Variants in SRP68 observed in about 807,000 individuals in gnomAD.
SRP68 encodes the protein signal recognition particle subunit SRP68.
A neutral mutation model predicts 82.2 loss-of-function variants in SRP68; 15 were observed. The observed-to-expected ratio is 0.18, with a 90% confidence interval of 0.12 to 0.28. The LOEUF (loss-of-function observed/expected upper bound fraction) is 0.28, where lower values mean the gene tolerates loss of function less well. SRP68 is among the 10% of genes least tolerant of loss of function. SRP68 has a pLI of 1.00. For synonymous variants in SRP68, 261 were observed against 292.6 expected, an observed-to-expected ratio of 0.89 and a Z score of 1.10; for missense variants, 595 against 780.5, an observed-to-expected ratio of 0.76 and a Z score of 2.83.
chr17:76,063,900 T>C (rs1598269226), intron 4 of SRP68, 76 bp downstream of exon 4: 1 of 1,358,012 alleles, frequency 7.4e-7, no homozygotes, highest in Non-Finnish European at 1.0e-6. Flanking sequence ...ACTAAGAAAC[T>C]CTGTTCTGTT....
intron 12 of SRP68, 53 bp downstream of exon 12, chr17:76,045,239 T>C (rs369745455): frequency 1.1e-5 from 16 of 1,419,368 alleles, no homozygotes; most frequent in Non-Finnish European, 1.5e-5. Flanking sequence ...ATGCTCCCAA[T>C]GCTTATAGAA....
intron 13 of SRP68, among the ~76,000 whole-genome samples, chr17:76,041,884 TTTGC>T (rs1204746518): frequency 6.6e-6 from 1 of 151,814 alleles, no homozygotes; most frequent in African/African-American, 2.4e-5. Flanking sequence ...GACAGGAACC[TTTGC>T]TTGCTTTTTT....
chr17:76,041,749 C>T (rs1371034174), intron 13 of SRP68: 1 of 152,160 alleles, frequency 6.6e-6, no homozygotes, highest in East Asian at 1.9e-4. Flanking sequence ...AGGTGGGCTC[C>T]TGCATGCCAG....
intron 13 of SRP68, among the ~76,000 whole-genome samples, chr17:76,042,044 C>T (rs932846929): frequency 6.6e-6 from 1 of 152,030 alleles, no homozygotes; most frequent in East Asian, 2.0e-4. Context: ...CCACCATGCC[C>T]GGCTAATTTT....
At chr17:76,046,254 C>T in intron 10 of SRP68, 60 bp from the exon 11 acceptor site, 1 of 1,583,106 alleles carries the variant, frequency 6.3e-7, no homozygotes, top group Non-Finnish European at 8.6e-7. Flanking sequence ...ACTGGGAGGA[C>T]TGGACTACAA....
intron 4 of SRP68, 192 bp from the exon 5 acceptor site, chr17:76,061,766 C>A: frequency 4.7e-6 from 2 of 427,304 alleles, no homozygotes; most frequent in Non-Finnish European, 8.6e-6. Flanking sequence ...TGAAGACAAG[C>A]CAGGGCAATA....
intron 4 of SRP68, 41 bp from the exon 5 acceptor site, chr17:76,061,615 A>C: frequency 6.6e-7 from 1 of 1,517,994 alleles, no homozygotes. Flanking sequence ...TCAACAGCAA[A>C]CCAGTGCTCC....
chr17:76,070,222 C>CAAAAAAAAAA (rs386386662), intron 2 of SRP68, among the ~76,000 whole-genome samples, 156 bp downstream of exon 2: 7 of 95,398 alleles, frequency 7.3e-5, no homozygotes, highest in Middle Eastern at 5.7e-3. Flanking sequence ...GACTCCATCT[C>CAAAAAAAAAA]AAAAAAAAAA....
At chr17:76,043,677 AGCTCCTGG>A in intron 13 of SRP68, 144 bp downstream of exon 13, 1 of 659,146 alleles carries the variant, frequency 1.5e-6, no homozygotes, top group Non-Finnish European at 2.3e-6. Flanking sequence ...CACAGCCTGC[AGCTCCTGG>A]GCAGTCAGGG....
chr17:76,068,455 GAAA>G (rs113014100), intron 2 of SRP68, among the ~76,000 whole-genome samples: 13 of 115,854 alleles, frequency 1.1e-4, no homozygotes, highest in Non-Finnish European at 2.2e-4. Context: ...GACTGTGTCT[GAAA>G]AAAAAAAAAA....
intron 2 of SRP68, among the ~76,000 whole-genome samples, chr17:76,068,341 T>C (rs1243035743): frequency 1.3e-5 from 2 of 149,750 alleles, no homozygotes; most frequent in Admixed American, 6.7e-5. Context: ...CCTATAATTC[T>C]AGCTACTCGG....
chr17:76,052,770 C>T (rs2066683513), intron 8 of SRP68, among the ~76,000 whole-genome samples: 1 of 149,096 alleles, frequency 6.7e-6, no homozygotes, highest in Non-Finnish European at 1.5e-5. Flanking sequence ...CGCCACTGCA[C>T]TCCAGCCTGG....
In SRP68 at chr17:76,070,359, T is replaced by A. The variant is rs781175645; in HGVS notation, c.251+19A>T. ...CAAGTCCCACAATGATTTCCAAACA[T>A]CTTGTATGTGATACTAACCTGTACC... On this transcript the variant is annotated intron_variant, in intron 2 of 15. Transcript: ENST00000307877. 4 of 1,606,148 alleles carry A rather than the reference T, an allele frequency of 2.5e-6. No homozygotes were observed. In the Admixed American group the frequency reaches 6.7e-5, roughly 27 times the overall value.
At chr17:76,068,899 G>A (rs2066827132) in intron 2 of SRP68, among the ~76,000 whole-genome samples, 1 of 151,894 alleles carries the variant, frequency 6.6e-6, no homozygotes, top group African/African-American at 2.4e-5. Flanking sequence ...CACCATTCCA[G>A]CTAGGATTTC....
At chr17:76,070,308 T>C in intron 2 of SRP68, 70 bp downstream of exon 2, 1 of 1,222,800 alleles carries the variant, frequency 8.2e-7, no homozygotes, top group Non-Finnish European at 1.2e-6. Flanking sequence ...TATAGCAGAG[T>C]AAACAGGATA....
Position 76,062,724 on chromosome 17 carries a change from T to TATATAATATATACATTA in SRP68, c.562-1151_562-1150insTAATGTATATATTATAT, listed in dbSNP as rs1567935164. Among the ~76,000 whole-genome samples the TATATAATATATACATTA allele has an allele frequency of 2.3e-3, 62 of 27,432 alleles. 21 individuals are homozygous for TATATAATATATACATTA. The highest frequency in any genetic ancestry group is 9.0e-3 in the Admixed American group (10 of 1,116). 18.0% of individuals were successfully genotyped at this position (27,432 alleles called of 152,430 possible). On this transcript the variant is annotated intron_variant, in intron 4 of 15. Coordinates refer to ENST00000307877, the MANE Select transcript of SRP68 (RefSeq NM_014230.4). ...TTGTATATTATACAATATATTATAT[T>TATATAATATATACATTA]TATTTTATATATATATATATATATA...
intron 3 of SRP68, among the ~76,000 whole-genome samples, chr17:76,064,484 G>C (rs935226940): frequency 1.3e-5 from 2 of 152,166 alleles, no homozygotes; most frequent in South Asian, 2.1e-4. Flanking sequence ...CTAGGCACAC[G>C]ATCTGGCCTC....
chr17:76,046,977 T>C (rs980294466), intron 10 of SRP68, among the ~76,000 whole-genome samples: 1 of 151,990 alleles, frequency 6.6e-6, no homozygotes, highest in Admixed American at 6.6e-5. Flanking sequence ...GCATGGTGGC[T>C]CATGCCTCTG....
At chr17:76,061,619 G>C (rs1484852848) in intron 4 of SRP68, 45 bp from the exon 5 acceptor site, 1 of 1,493,518 alleles carries the variant, frequency 6.7e-7, no homozygotes, top group Non-Finnish European at 9.3e-7. Flanking sequence ...CAGCAAACCA[G>C]TGCTCCCACT....
Sources: allele counts gnomAD v4.1 joint callset (sites outside exome capture counted in the v4.1 genomes callset), GRCh38; gene constraint gnomAD v4.1.1; transcripts MANE v1.5; gene names NCBI Gene and HGNC (gene_info 2026-07-23, HGNC 2026-07-21).